The following DAB1 variants were observed in gnomAD, a reference collection of about 807,000 sequenced individuals.
DAB1 encodes the protein disabled homolog 1.
Under a neutral mutation model 64.6 loss-of-function variants are expected in DAB1, and 15 were observed. The ratio of observed to expected loss-of-function variants is 0.23; its 90% CI spans 0.16 to 0.36. The LOEUF (loss-of-function observed/expected upper bound fraction) is 0.36. DAB1 is among the 10% of genes least tolerant of loss of function. The pLI is 1.00. For missense variants in DAB1, 596 were observed against 706.7 expected, an observed-to-expected ratio of 0.84 and a Z score of 1.78; for synonymous variants, 235 against 251.9, an observed-to-expected ratio of 0.93 and a Z score of 0.64.
chr1:58,300,205 G>T (rs1018314538), intron 4 of DAB1, among the ~76,000 whole-genome samples: 1 of 152,102 alleles, frequency 6.6e-6, no homozygotes, highest in African/African-American at 2.4e-5. Context: ...GCACAGTGAA[G>T]AAATGTAGTT....
At chr1:57,769,622 C>T (rs1649469199) in intron 6 of DAB1, among the ~76,000 whole-genome samples, 1 of 152,158 alleles carries the variant, frequency 6.6e-6, no homozygotes, top group African/African-American at 2.4e-5. Context: ...AAGGGACAGG[C>T]CCAGGAAATA....
intron 7 of DAB1, among the ~76,000 whole-genome samples, chr1:57,592,566 G>A (rs1645457973): frequency 6.6e-6 from 1 of 151,986 alleles, no homozygotes; most frequent in African/African-American, 2.4e-5. Flanking sequence ...AGAAAACCAA[G>A]TCAAACTAGA....
chr1:57,612,108 A>C (rs1006514473), intron 7 of DAB1, among the ~76,000 whole-genome samples: 4 of 151,868 alleles, frequency 2.6e-5, no homozygotes, highest in African/African-American at 9.7e-5. Context: ...GTCACCTCCT[A>C]AGACCCATCT....
chr1:58,167,441 A>G (rs543423491), intron 4 of DAB1, among the ~76,000 whole-genome samples: 67 of 152,262 alleles, frequency 4.4e-4, no homozygotes, highest in Non-Finnish European at 6.5e-4. Flanking sequence ...AAAACGCACC[A>G]ATCAGCACTC....
chr1:57,099,454 G>A (rs1654468334), intron 4 of DAB1, among the ~76,000 whole-genome samples: 1 of 152,202 alleles, frequency 6.6e-6, no homozygotes, highest in South Asian at 2.1e-4. Context: ...CTCAATAAAT[G>A]TTTGTTGAAC....
intron 7 of DAB1, among the ~76,000 whole-genome samples, chr1:57,547,281 T>C (rs919269165): frequency 7.3e-6 from 1 of 137,156 alleles, no homozygotes; most frequent in African/African-American, 2.7e-5. Flanking sequence ...GTGAACTGGC[T>C]CAACAATTTT....
chr1:57,902,163 A>C (rs1358483162), intron 5 of DAB1, among the ~76,000 whole-genome samples: 1 of 151,804 alleles, frequency 6.6e-6, no homozygotes, highest in Non-Finnish European at 1.5e-5. Flanking sequence ...TCTCAAAAAA[A>C]AAAAAAAAAG....
intron 1 of DAB1, among the ~76,000 whole-genome samples, chr1:57,827,852 T>G (rs937324552): frequency 3.3e-5 from 5 of 152,210 alleles, no homozygotes; most frequent in African/African-American, 1.2e-4. Context: ...AGAGCTTACC[T>G]TGCTCCGGGT....
intron 4 of DAB1, among the ~76,000 whole-genome samples, chr1:58,202,974 T>C (rs1658080298): frequency 6.6e-6 from 1 of 152,232 alleles, no homozygotes; most frequent in South Asian, 2.1e-4. Context: ...TTGCACCATT[T>C]GTTCCTGGGA....
At chr1:58,347,578 A>C (rs900921261) in intron 3 of DAB1, among the ~76,000 whole-genome samples, 2 of 152,170 alleles carry the variant, frequency 1.3e-5, no homozygotes, top group African/African-American at 4.8e-5. Context: ...CACAAGGTGG[A>C]GGAGAACCAC....
intron 1 of DAB1, chr1:57,862,498 A>T (rs1654096266): frequency 6.6e-6 from 1 of 152,214 alleles, no homozygotes; most frequent in Admixed American, 6.5e-5. Flanking sequence ...CGCTTAGGGA[A>T]CTTGGAAAGG....
intron 7 of DAB1, among the ~76,000 whole-genome samples, chr1:57,632,858 T>C (rs936446854): frequency 6.6e-6 from 1 of 152,236 alleles, no homozygotes; most frequent in Admixed American, 6.5e-5. Flanking sequence ...GTTGTAGTAC[T>C]ATGTGTTTTA....
chr1:57,921,842 G>T (rs1644811802), intron 5 of DAB1, among the ~76,000 whole-genome samples: 1 of 152,064 alleles, frequency 6.6e-6, no homozygotes, highest in Non-Finnish European at 1.5e-5. Flanking sequence ...GGCCTCTAAG[G>T]ACCCCAATGG....
chr1:57,777,456 GTC>G (rs937603136), intron 6 of DAB1, among the ~76,000 whole-genome samples: 51 of 151,668 alleles, frequency 3.4e-4, no homozygotes, highest in African/African-American at 9.6e-4. Context: ...TTGCCCCATG[GTC>G]TCTGTCACTG....
chr1:58,004,708 C>T (rs1022562175), intron 5 of DAB1, among the ~76,000 whole-genome samples: 7 of 152,116 alleles, frequency 4.6e-5, no homozygotes, highest in Non-Finnish European at 7.3e-5. Flanking sequence ...GCCTGAAGTA[C>T]AGTGAACAAC....
intron 5 of DAB1, among the ~76,000 whole-genome samples, chr1:58,087,213 T>C (rs148209928): frequency 7.9e-4 from 121 of 152,298 alleles, no homozygotes; most frequent in African/African-American, 2.8e-3. Context: ...CAGGTATCAG[T>C]ACATAGCAGC....
At chr1:57,767,253 A>G (rs12732765) in intron 6 of DAB1, among the ~76,000 whole-genome samples, 3,765 of 152,210 alleles carry the variant, frequency 0.025, 92 homozygotes, top group Non-Finnish European at 0.034. Flanking sequence ...GGGGCCCACA[A>G]GAGTCAACTC....
intron 4 of DAB1, among the ~76,000 whole-genome samples, chr1:58,233,051 C>A (rs1181787965): frequency 6.6e-6 from 1 of 152,166 alleles, no homozygotes; most frequent in East Asian, 1.9e-4. Context: ...CAATAAATAT[C>A]TGTTGAATAA....
At chr1:57,557,156 C>T (rs1644998680) in intron 7 of DAB1, among the ~76,000 whole-genome samples, 1 of 152,122 alleles carries the variant, frequency 6.6e-6, no homozygotes, top group South Asian at 2.1e-4. Flanking sequence ...TAGACCGACT[C>T]TTAATCTGGG....
Sources: allele counts gnomAD v4.1 joint callset (sites outside exome capture counted in the v4.1 genomes callset), GRCh38; gene constraint gnomAD v4.1.1; transcripts MANE v1.5; gene names NCBI Gene and HGNC (gene_info 2026-07-23, HGNC 2026-07-21).